The following PPP2R2B variants were observed in gnomAD, a reference collection of about 807,000 sequenced individuals.
PPP2R2B encodes the protein serine/threonine-protein phosphatase 2A 55 kDa regulatory subunit B beta isoform.
In PPP2R2B, 5 loss-of-function variants were observed where a neutral mutation model predicts 46.0. That is an observed-to-expected ratio of 0.11 (90% CI 0.06 to 0.23). PPP2R2B has a LOEUF of 0.23. PPP2R2B is among the 10% of genes least tolerant of loss of function. The pLI is 1.00. For synonymous variants in PPP2R2B, 215 were observed against 206.7 expected (o/e 1.04, Z -0.34); for missense variants, 367 against 575.0 (o/e 0.64, Z 3.70).
intron 2 of PPP2R2B, among the ~76,000 whole-genome samples, chr5:146,827,887 T>C (rs955481596): frequency 1.3e-5 from 2 of 152,112 alleles, no homozygotes; most frequent in African/African-American, 4.8e-5. Context: ...CATTAAGCCC[T>C]TTTTCTGTCG....
intron 6 of PPP2R2B, among the ~76,000 whole-genome samples, chr5:146,641,336 C>T (rs1254388222): frequency 2.0e-5 from 3 of 152,092 alleles, no homozygotes; most frequent in Admixed American, 1.3e-4. Context: ...TGAGGAATGG[C>T]CTCACAAAGC....
chr5:146,912,500 CTTTTCTT>C (rs1030821697), intron 1 of PPP2R2B, among the ~76,000 whole-genome samples: 20 of 138,132 alleles, frequency 1.4e-4, no homozygotes, highest in Admixed American at 1.5e-4. Flanking sequence ...GTTCTTTCAA[CTTTTCTT>C]TTTTCTTTTT....
At chr5:146,985,036 T>TTTTTTC in intron 1 of PPP2R2B, among the ~76,000 whole-genome samples, 1 of 147,244 alleles carries the variant, frequency 6.8e-6, no homozygotes, top group Non-Finnish European at 1.5e-5. Flanking sequence ...TTTTTTTTTT[T>TTTTTTC]TTGAGACGGA....
At chr5:147,047,243 A>G (rs1756586489) in intron 1 of PPP2R2B, among the ~76,000 whole-genome samples, 1 of 152,118 alleles carries the variant, frequency 6.6e-6, no homozygotes, top group African/African-American at 2.4e-5. Context: ...ATACCACTGT[A>G]TGATGACTAT....
chr5:146,814,910 G>A (rs899624117), intron 2 of PPP2R2B, among the ~76,000 whole-genome samples: 1 of 152,090 alleles, frequency 6.6e-6, no homozygotes, highest in Non-Finnish European at 1.5e-5. Context: ...CCCTGCCTTG[G>A]TCTCTCCTTC....
intron 1 of PPP2R2B, among the ~76,000 whole-genome samples, chr5:146,940,104 T>C (rs1764274123): frequency 6.6e-6 from 1 of 152,192 alleles, no homozygotes; most frequent in South Asian, 2.1e-4. Context: ...AGAGATGAGT[T>C]AGCATTTGGT....
chr5:147,002,275 T>G (rs2151869978), intron 1 of PPP2R2B, among the ~76,000 whole-genome samples: 1 of 152,242 alleles, frequency 6.6e-6, no homozygotes, highest in African/African-American at 2.4e-5. Context: ...TCTGGAATTT[T>G]AGGATCCCTC....
intron 2 of PPP2R2B, among the ~76,000 whole-genome samples, chr5:146,841,692 C>G (rs1389031006): frequency 1.3e-5 from 2 of 152,122 alleles, no homozygotes; most frequent in Non-Finnish European, 2.9e-5. Flanking sequence ...AACAGAAAAC[C>G]AAACACCGCA....
chr5:146,662,490 C>T (rs187105625), intron 5 of PPP2R2B, among the ~76,000 whole-genome samples: 1 of 152,228 alleles, frequency 6.6e-6, no homozygotes, highest in Non-Finnish European at 1.5e-5. Flanking sequence ...CCTGCCTCCC[C>T]GGGGTGCTCT....
At chr5:146,770,312 C>A in intron 2 of PPP2R2B, among the ~76,000 whole-genome samples, 1 of 102,874 alleles carries the variant, frequency 9.7e-6, no homozygotes. Context: ...GAGTGGGTGA[C>A]AGAGTGAGAT....
intron 2 of PPP2R2B, among the ~76,000 whole-genome samples, chr5:147,074,397 G>A (rs773189971): frequency 1.2e-4 from 18 of 152,156 alleles, no homozygotes; most frequent in South Asian, 6.2e-4. Flanking sequence ...ATTCAGGAGC[G>A]GGAAGAGCAA....
At chr5:146,811,067 G>A (rs926376038) in intron 2 of PPP2R2B, among the ~76,000 whole-genome samples, 1 of 152,104 alleles carries the variant, frequency 6.6e-6, no homozygotes, top group Non-Finnish European at 1.5e-5. Context: ...GCAATGGTGC[G>A]ATCTCAGCTC....
chr5:146,936,962 T>C (rs773328832), intron 1 of PPP2R2B, among the ~76,000 whole-genome samples: 5 of 151,648 alleles, frequency 3.3e-5, no homozygotes, highest in African/African-American at 4.8e-5. Flanking sequence ...TTCTTCGAAC[T>C]AGACAGTATA....
At chr5:146,989,385 G>T (rs1418592891) in intron 1 of PPP2R2B, among the ~76,000 whole-genome samples, 2 of 151,946 alleles carry the variant, frequency 1.3e-5, no homozygotes, top group East Asian at 3.9e-4. Flanking sequence ...CAACACATTA[G>T]AAAGATCATT....
At chr5:146,875,000 G>C (rs891176086) in intron 2 of PPP2R2B, among the ~76,000 whole-genome samples, 3 of 152,164 alleles carry the variant, frequency 2.0e-5, no homozygotes, top group African/African-American at 7.2e-5. Context: ...ATCTTTCCCA[G>C]AATAAGAGCT....
chr5:146,966,274 C>G (rs1752401342), intron 1 of PPP2R2B, among the ~76,000 whole-genome samples: 1 of 152,138 alleles, frequency 6.6e-6, no homozygotes, highest in Non-Finnish European at 1.5e-5. Flanking sequence ...GTAAGGAAAT[C>G]ACGGAGGTTA....
In PPP2R2B at chr5:146,587,886, A is replaced by T. The variant is rs1770247016; in HGVS notation, c.*2061T>A. 1 of 152,208 alleles carries T rather than the reference A, an allele frequency of 6.6e-6. No homozygotes were observed. Among genetic ancestry groups the T allele is most frequent in the South Asian group, 2.1e-4 (1 of 4,832 alleles). The allele number at this position is 152,208 out of a possible 1,614,324, so 9.4% of individuals were successfully genotyped here. A position where few individuals can be genotyped will look rare whatever the true frequency, so the allele number is the denominator to read the frequency against. On this transcript the variant is annotated 3_prime_UTR_variant, in exon 10 of 10. Transcript: ENST00000394411. The stretch of plus-strand genomic sequence containing the variant: ...TAGTACAAATGTGAGTTGATTCTTA[A>T]GTTTGAGATACAATGATTGGTCCCA...
chr5:146,692,891 T>C (rs937270872), intron 4 of PPP2R2B, among the ~76,000 whole-genome samples: 3 of 152,186 alleles, frequency 2.0e-5, no homozygotes, highest in Non-Finnish European at 4.4e-5. Context: ...GCTGGCCACA[T>C]GCTTTGGTGG....
chr5:146,794,344 C>T (rs1480764256), intron 2 of PPP2R2B, among the ~76,000 whole-genome samples: 1 of 152,202 alleles, frequency 6.6e-6, no homozygotes, highest in Non-Finnish European at 1.5e-5. Context: ...TAGGTTTGCA[C>T]TAATTACTCA....
Sources: allele counts gnomAD v4.1 joint callset (sites outside exome capture counted in the v4.1 genomes callset), GRCh38; gene constraint gnomAD v4.1.1; transcripts MANE v1.5; gene names NCBI Gene and HGNC (gene_info 2026-07-23, HGNC 2026-07-21).